The following MAST2 variants were observed in gnomAD, a reference collection of about 807,000 sequenced individuals.
The protein encoded by MAST2 is microtubule-associated serine/threonine-protein kinase 2.
A neutral mutation model predicts 147.4 loss-of-function variants in MAST2; 70 were observed. The observed-to-expected ratio is 0.47, with a 90% CI of 0.39 to 0.58. MAST2 has a LOEUF of 0.58. Ranked by LOEUF, MAST2 falls within the 20% of genes least tolerant of loss-of-function variation. MAST2 has a pLI of 0.00. For missense variants in MAST2, 2,080 were observed against 2,302.3 expected, an observed-to-expected ratio of 0.90 and a Z score of 1.98; for synonymous variants, 869 against 896.8, an observed-to-expected ratio of 0.97 and a Z score of 0.55.
At chr1:45,906,960 T>G (rs977613193) in intron 4 of MAST2, among the ~76,000 whole-genome samples, 19 of 152,188 alleles carry the variant, frequency 1.2e-4, no homozygotes, top group African/African-American at 2.4e-5. Flanking sequence ...TGTGTTACAG[T>G]TGCTTACAGT....
At chr1:45,882,280 C>A in intron 3 of MAST2, 84 bp from the exon 4 acceptor site, 2 of 799,458 alleles carry the variant, frequency 2.5e-6, no homozygotes, top group Non-Finnish European at 2.2e-6. Flanking sequence ...TAAGATAATG[C>A]TGTGAATTTC....
intron 3 of MAST2, among the ~76,000 whole-genome samples, chr1:45,845,602 A>G (rs1425034236): frequency 2.6e-5 from 4 of 152,340 alleles, no homozygotes; most frequent in Admixed American, 2.0e-4. Flanking sequence ...ATGCTGAATT[A>G]CATGTCAATT....
chr1:46,006,210 T>C lies in MAST2; in HGVS notation c.748-31T>C. The C allele has an allele frequency of 1.9e-6, 3 of 1,596,254 alleles. No homozygotes were observed. In the Admixed American group the frequency reaches 5.1e-5, roughly 27 times the overall value. On this transcript the variant is annotated intron_variant, in intron 7 of 28. Transcript: ENST00000361297. ...CTTGGACTGCTCTGGGACATGTCTT[T>C]AATGCCACTTCTTAATGTTTTCCCC...
chr1:46,035,959 C>G lies in MAST2; in HGVS notation c.5290C>G (p.Leu1764Val), dbSNP rs767323466. 3 of 1,613,992 alleles carry G rather than the reference C, an allele frequency of 1.9e-6. No homozygotes were observed. In the East Asian group the frequency reaches 6.7e-5, roughly 36 times the overall value. The change falls in exon 29 of 29, where the codon CTC becomes GTC. Residue 1764 changes from leucine (L) to valine (V), a missense_variant. By Grantham distance (32) the Leu-to-Val change is conservative. Transcript: ENST00000361297. This position sits in a 1 kb window ranked among gnomAD's most constrained non-coding sequence, Gnocchi z 5.5. ...RQDVPCRGCP[L>V]TQKSEPSLRR... ...GGACGTTCCATGCCGAGGCTGCCCCCTCACCCAGAAGTCTGAGCCCAGCCT... is the reference window on the plus strand; with the variant it reads ...GGACGTTCCATGCCGAGGCTGCCCCGTCACCCAGAAGTCTGAGCCCAGCCT...
At chr1:45,835,791 A>G (rs1010624638) in intron 3 of MAST2, among the ~76,000 whole-genome samples, 1 of 151,886 alleles carries the variant, frequency 6.6e-6, no homozygotes, top group African/African-American at 2.4e-5. Flanking sequence ...TAGGGCAACC[A>G]CTAATCTGCT....
intron 5 of MAST2, among the ~76,000 whole-genome samples, chr1:45,981,281 C>T (rs974489455): frequency 2.6e-5 from 4 of 151,830 alleles, no homozygotes; most frequent in Admixed American, 6.5e-5. Flanking sequence ...CATGTTGGCC[C>T]GTCTGGTCTC....
intron 5 of MAST2, among the ~76,000 whole-genome samples, chr1:45,993,278 TG>T (rs1355164920): frequency 1.1e-4 from 16 of 152,350 alleles, no homozygotes; most frequent in Admixed American, 6.5e-4. Flanking sequence ...CCTTTGCTTC[TG>T]CCTAAAGGAC....
At chr1:45,895,162 A>G (rs1648529654) in intron 4 of MAST2, among the ~76,000 whole-genome samples, 1 of 152,230 alleles carries the variant, frequency 6.6e-6, no homozygotes, top group Admixed American at 6.5e-5. Context: ...AATGAAAATG[A>G]CAAATGACCT....
intron 5 of MAST2, among the ~76,000 whole-genome samples, chr1:45,978,884 G>A (rs1557995771): frequency 6.6e-6 from 1 of 152,174 alleles, no homozygotes; most frequent in Non-Finnish European, 1.5e-5. Context: ...AAGAGTGACT[G>A]CTAACAGGTA....
At chr1:45,834,918 A>G (rs1161217649) in intron 3 of MAST2, among the ~76,000 whole-genome samples, 1 of 151,310 alleles carries the variant, frequency 6.6e-6, no homozygotes, top group Admixed American at 6.6e-5. Context: ...CGCCCAAGCC[A>G]GTTCTTCCTT....
chr1:45,867,509 G>A (rs1423587079), intron 3 of MAST2, among the ~76,000 whole-genome samples: 1 of 152,106 alleles, frequency 6.6e-6, no homozygotes, highest in African/African-American at 2.4e-5. Flanking sequence ...GTTCTGCCAT[G>A]TTCTAGTCAT....
chr1:45,878,691 C>A (rs1345474968), intron 3 of MAST2, among the ~76,000 whole-genome samples: 1 of 151,926 alleles, frequency 6.6e-6, no homozygotes, highest in Non-Finnish European at 1.5e-5. Flanking sequence ...AATTGAATTT[C>A]TATAAACATG....
chr1:45,889,979 G>A (rs1441570688), intron 4 of MAST2, among the ~76,000 whole-genome samples: 4 of 152,032 alleles, frequency 2.6e-5, no homozygotes, highest in Non-Finnish European at 4.4e-5. Context: ...TTTTGACCTC[G>A]TGATCCGCCT....
chr1:45,810,915 C>T (rs1404671436), intron 1 of MAST2, among the ~76,000 whole-genome samples: 10 of 146,350 alleles, frequency 6.8e-5, no homozygotes, highest in East Asian at 2.0e-4. Context: ...TGCAGTGGCA[C>T]GATCTCAGCT....
At chr1:45,804,671 C>T (rs907038641) in intron 1 of MAST2, among the ~76,000 whole-genome samples, 1 of 152,304 alleles carries the variant, frequency 6.6e-6, no homozygotes, top group South Asian at 2.1e-4. Flanking sequence ...TATGGTTTGC[C>T]TGCTAGTTTT....
chr1:45,999,742 T>G (rs1645197064), intron 6 of MAST2, among the ~76,000 whole-genome samples: 1 of 152,228 alleles, frequency 6.6e-6, no homozygotes. Context: ...AGGCCTTCCC[T>G]AAACATTCAA....
intron 5 of MAST2, among the ~76,000 whole-genome samples, chr1:45,983,639 G>GCAC (rs1644500965): frequency 6.6e-6 from 1 of 151,910 alleles, no homozygotes; most frequent in Non-Finnish European, 1.5e-5. Flanking sequence ...CTACAGGTGT[G>GCAC]CACCACCACC....
At chr1:45,843,553 A>T (rs1645340667) in intron 3 of MAST2, among the ~76,000 whole-genome samples, 1 of 152,184 alleles carries the variant, frequency 6.6e-6, no homozygotes, top group African/African-American at 2.4e-5. Flanking sequence ...AGGGCTATAG[A>T]TGTGGACTTG....
intron 4 of MAST2, among the ~76,000 whole-genome samples, chr1:45,956,497 G>A (rs1376477556): frequency 6.6e-6 from 1 of 152,174 alleles, no homozygotes. Flanking sequence ...TGAATAAGTG[G>A]CTTCATCTTC....
Sources: gnomAD v4.1 joint callset for allele counts (sites outside exome capture counted in the v4.1 genomes callset) on GRCh38, gnomAD v4.1.1 for gene constraint, Gnocchi (gnomAD v3.1) non-coding constraint, MANE v1.5 for transcripts, NCBI Gene and HGNC (gene_info 2026-07-23, HGNC 2026-07-21) for gene names.